Variants in TTC3 observed in about 807,000 individuals in gnomAD.
TTC3 encodes E3 ubiquitin-protein ligase TTC3.
A neutral mutation model predicts 249.6 loss-of-function variants in TTC3; 180 were observed. The observed-to-expected ratio is 0.72, with a 90% confidence interval of 0.64 to 0.82. TTC3 has a LOEUF of 0.82. Among genes scored for constraint, TTC3 ranks in the 40% least tolerant of loss-of-function variants. The probability of loss-of-function intolerance (pLI) is 0.00; values close to 1 mark genes in which losing one functional copy is unlikely to be tolerated. For synonymous variants in TTC3, 717 were observed against 805.0 expected (o/e 0.89, Z 1.85); for missense variants, 2,061 against 2,398.4 (o/e 0.86, Z 2.94).
intron 25 of TTC3, 47 bp from the exon 26 acceptor site, chr21:37,151,846 A>G (rs1172486826): frequency 2.6e-6 from 4 of 1,515,348 alleles, no homozygotes; most frequent in African/African-American, 1.4e-5. Flanking sequence ...ACGATAGTCA[A>G]AGGAAAACAG....
intron 34 of TTC3, among the ~76,000 whole-genome samples, chr21:37,168,590 T>G (rs891688790): frequency 6.6e-6 from 1 of 152,218 alleles, no homozygotes; most frequent in South Asian, 2.1e-4. Flanking sequence ...AGATATTTCA[T>G]GTACTTGGAT....
intron 1 of TTC3, among the ~76,000 whole-genome samples, chr21:37,080,488 G>C (rs1018408264): frequency 2.6e-5 from 4 of 151,814 alleles, no homozygotes; most frequent in African/African-American, 9.7e-5. Flanking sequence ...GGTAAAGCTT[G>C]TTATTTGTGT....
intron 26 of TTC3, 37 bp from the exon 27 acceptor site, chr21:37,152,914 C>T: frequency 4.8e-6 from 7 of 1,454,086 alleles, no homozygotes; most frequent in South Asian, 1.6e-5. Context: ...GTGAATTAGT[C>T]CTATTTATCA....
At chr21:37,122,559 T>C (rs1281375421) in intron 12 of TTC3, among the ~76,000 whole-genome samples, 9 of 151,598 alleles carry the variant, frequency 5.9e-5, no homozygotes, top group African/African-American at 2.2e-4. Context: ...CTCCAATGCC[T>C]GAAAGTCCCT....
intron 11 of TTC3, among the ~76,000 whole-genome samples, chr21:37,112,358 G>A (rs1473175716): frequency 6.6e-6 from 1 of 152,084 alleles, no homozygotes; most frequent in African/African-American, 2.4e-5. Context: ...ACAAAGGGGG[G>A]ATCATCACTG....
chr21:37,171,222 A>C (rs556124734), intron 34 of TTC3, among the ~76,000 whole-genome samples: 3 of 152,222 alleles, frequency 2.0e-5, no homozygotes, highest in African/African-American at 7.2e-5. Context: ...TTAATGAGTC[A>C]GTGCTTTTGA....
chr21:37,202,324 G>A (rs922426187), exon 46 of TTC3: 3 of 152,224 alleles, frequency 2.0e-5, no homozygotes, highest in African/African-American at 7.2e-5. Flanking sequence ...GAGGCTGTGT[G>A]TCCGTCATCC....
chr21:37,119,536 C>T (rs1343249100), intron 11 of TTC3, among the ~76,000 whole-genome samples: 1 of 152,080 alleles, frequency 6.6e-6, no homozygotes, highest in African/African-American at 2.4e-5. Flanking sequence ...TTCTCTGGTC[C>T]TCTGCTCTGT....
chr21:37,114,124 A>G (rs2075917008), intron 11 of TTC3, among the ~76,000 whole-genome samples: 2 of 152,342 alleles, frequency 1.3e-5, no homozygotes, highest in South Asian at 2.1e-4. Flanking sequence ...GGACATAGGC[A>G]TGGGCAAGGA....
chr21:37,201,305 T>G (rs2085476033), intron 45 of TTC3, 135 bp from the exon 46 acceptor site: 5 of 1,086,242 alleles, frequency 4.6e-6, no homozygotes, highest in Non-Finnish European at 7.0e-6. Context: ...TTGGTGTCCC[T>G]GAGTATTGGG....
At chr21:37,124,705 A>T in exon 14 of TTC3, 2 of 1,613,910 alleles carry the variant, frequency 1.2e-6, no homozygotes, top group South Asian at 2.2e-5. Flanking sequence ...AGAAAAATTA[A>T]TCACGAAATG....
At chr21:37,108,187 C>A (rs149796318) in intron 10 of TTC3, 2 of 467,258 alleles carry the variant, frequency 4.3e-6, no homozygotes, top group African/African-American at 4.0e-5. Flanking sequence ...GTGATTGTGA[C>A]TCTGGGTGAC....
intron 27 of TTC3, among the ~76,000 whole-genome samples, chr21:37,155,231 G>A (rs2079920509): frequency 6.6e-6 from 1 of 151,616 alleles, no homozygotes; most frequent in Admixed American, 6.6e-5. Flanking sequence ...CTTACATCAT[G>A]CACATATTTA....
chr21:37,201,616 G>A lies in TTC3; in HGVS notation c.*42G>A, dbSNP rs184170019. 9.8e-5 allele frequency: 155 copies of A among 1,582,546 alleles called. No homozygotes were observed. The East Asian group carries it at 2.6e-3, about 26-fold the overall frequency. On this transcript the variant is annotated 3_prime_UTR_variant, in exon 46 of 46. Coordinates refer to ENST00000355666, the Ensembl canonical transcript of TTC3. ...TGTCATCCACCAGTGTGTTGAATCCGAAGAATGACAATTTTCTACCACTGG... is the reference window on the plus strand; with the variant it reads ...TGTCATCCACCAGTGTGTTGAATCCAAAGAATGACAATTTTCTACCACTGG...
rs566377796 is a variant in TTC3 at position 37,145,358 on chromosome 21, T to G, written c.1893+713T>G. 2.6e-5 allele frequency among the ~76,000 whole-genome samples: 4 copies of G among 152,312 alleles called. No individual in the cohort carries two copies. The South Asian group carries it at 8.3e-4, about 32-fold the overall frequency. ...AATAGACATTTCTGCAACGAAGATA[T>G]ACAAATGGCCAAAATTAGCACATGA... On this transcript the variant is annotated intron_variant, in intron 21 of 45. Transcript: ENST00000355666.
chr21:37,162,143 A>T (rs7275757), intron 31 of TTC3, 80 bp downstream of exon 31: 22,794 of 876,194 alleles, frequency 0.026, 2,051 homozygotes, highest in African/African-American at 0.22. Context: ...TAATATATAT[A>T]AACTTGTGTT....
intron 16 of TTC3, among the ~76,000 whole-genome samples, chr21:37,130,256 A>G (rs936057212): frequency 1.3e-5 from 2 of 152,092 alleles, no homozygotes. Context: ...AGGATATAGC[A>G]TATTATTATG....
At chr21:37,093,455 T>A (rs2073559687) in intron 7 of TTC3, 1 of 150,914 alleles carries the variant, frequency 6.6e-6, no homozygotes, top group South Asian at 2.1e-4. Flanking sequence ...ACTCACCCAG[T>A]ATAATGCAAA....
chr21:37,191,873 G>A (rs2084172350), intron 40 of TTC3, among the ~76,000 whole-genome samples: 1 of 152,210 alleles, frequency 6.6e-6, no homozygotes, highest in Admixed American at 6.5e-5. Context: ...GCAGGTGTGA[G>A]CCACCGCGCC....
Sources: gnomAD v4.1 joint callset for allele counts (sites outside exome capture counted in the v4.1 genomes callset) on GRCh38, gnomAD v4.1.1 for gene constraint, MANE v1.5 for transcripts, NCBI Gene and HGNC (gene_info 2026-07-23, HGNC 2026-07-21) for gene names.